TMEM145: variants seen among roughly 807,000 people sequenced by gnomAD.
TMEM145 encodes transmembrane protein 145.
Under a neutral mutation model 68.5 loss-of-function variants are expected in TMEM145, and 46 were observed. That is an observed-to-expected ratio of 0.67 (90% CI 0.53 to 0.86). The LOEUF (loss-of-function observed/expected upper bound fraction) is 0.86. TMEM145 is among the 40% of genes least tolerant of loss of function. The probability of loss-of-function intolerance (pLI) is 0.00; values close to 1 mark genes in which losing one functional copy is unlikely to be tolerated. For synonymous variants in TMEM145, 255 were observed against 280.2 expected, an observed-to-expected ratio of 0.91 and a Z score of 0.90; for missense variants, 570 against 645.8, an observed-to-expected ratio of 0.88 and a Z score of 1.27.
chr19:42,318,824 G>A (rs2038885284), intron 12 of TMEM145, among the ~76,000 whole-genome samples: 1 of 152,136 alleles, frequency 6.6e-6, no homozygotes, highest in South Asian at 2.1e-4. Flanking sequence ...GCTCATGCCT[G>A]TACCCCCAGC....
chr19:42,315,165 T>C, intron 6 of TMEM145, 23 bp from the exon 7 acceptor site: 1 of 1,613,352 alleles, frequency 6.2e-7, no homozygotes, highest in Middle Eastern at 1.7e-4. Context: ...GAATGAACCT[T>C]ACTCCTCCTA....
intron 13 of TMEM145, chr19:42,321,182 GC>G (rs1343940368): frequency 2.5e-6 from 1 of 398,030 alleles, no homozygotes; most frequent in Non-Finnish European, 4.4e-6. Context: ...ACAGGGTGAA[GC>G]TTTTGGGCTC....
intron 12 of TMEM145, among the ~76,000 whole-genome samples, chr19:42,319,273 C>T (rs2038889270): frequency 6.6e-6 from 1 of 152,158 alleles, no homozygotes; most frequent in African/African-American, 2.4e-5. Flanking sequence ...CTCTCTGCCT[C>T]AGTTTCCTCA....
At position 42,317,070 on chromosome 19, in the gene TMEM145, C is replaced by G. The variant is rs112521226; in HGVS notation, c.900+107C>G. On this transcript the variant is annotated intron_variant, in intron 11 of 14. Transcript: ENST00000301204. ...TGCCCACATCCTGCTCCTGCTGGCT[C>G]GCTCTCTCTCCCACTCTTCGATTTT... is the stretch of plus-strand genomic sequence containing the variant. 174 of 908,678 alleles carry G rather than the reference C, an allele frequency of 1.9e-4. 1 individual carries two copies. In the African/African-American group the frequency reaches 2.5e-3, roughly 13 times the overall value. The allele number at this position is 908,678 out of a possible 1,614,324, so 56.3% of individuals were successfully genotyped here. A position where few individuals can be genotyped will look rare whatever the true frequency, so the allele number is the denominator to read the frequency against.
chr19:42,317,263 G>A (rs1040576257), intron 11 of TMEM145, among the ~76,000 whole-genome samples: 11 of 152,140 alleles, frequency 7.2e-5, no homozygotes, highest in African/African-American at 2.2e-4. Flanking sequence ...CCACTTCCTA[G>A]CTGCCTGACC....
Position 42,314,965 on chromosome 19 carries a change from C to T in TMEM145, c.421-28C>T, listed in dbSNP as rs2038840594. Reference sequence around the variant, plus strand: ...TGCCAACCCCCAACTTGCCCAGGGCCCCCCTTAGGCCTCCCTACCCCCCAC... The same window carrying T: ...TGCCAACCCCCAACTTGCCCAGGGCTCCCCTTAGGCCTCCCTACCCCCCAC... On this transcript the variant is annotated intron_variant, in intron 5 of 14. Transcript: ENST00000301204. The T allele has an allele frequency of 3.1e-6, 5 of 1,613,616 alleles. No individual in the cohort carries two copies. In the East Asian group the frequency reaches 8.9e-5, roughly 29 times the overall value.
chr19:42,316,387 G>A, intron 8 of TMEM145, 94 bp from the exon 9 acceptor site: 1 of 1,202,096 alleles, frequency 8.3e-7, no homozygotes, highest in South Asian at 1.2e-5. Flanking sequence ...TAAGGGAGGA[G>A]GCGGGATTCA....
rs1482513055 is a variant in TMEM145 at position 42,323,570 on chromosome 19, G to A, written c.1195-13G>A. On this transcript the variant is annotated splice_polypyrimidine_tract_variant and intron_variant, in intron 13 of 14. Transcript: ENST00000301204. ...ACAGTGCCTCTCACACCTGCTCCTG[G>A]CCCTGGCCTCAGATCATGACCCGCC... 1.2e-6 allele frequency: 2 copies of A among 1,613,162 alleles called. No homozygotes were observed. Among genetic ancestry groups the A allele is most frequent in the Non-Finnish European group, 1.7e-6 (2 of 1,179,772 alleles).
At chr19:42,324,523 C>G in intron 14 of TMEM145, 1 of 985,380 alleles carries the variant, frequency 1.0e-6, no homozygotes, top group Non-Finnish European at 1.2e-6. Flanking sequence ...CACCCCCGGT[C>G]TGAGCACCCC....
chr19:42,320,121 C>T (rs2038897540), intron 12 of TMEM145, among the ~76,000 whole-genome samples, 196 bp from the exon 13 acceptor site: 1 of 152,296 alleles, frequency 6.6e-6, no homozygotes, highest in African/African-American at 2.4e-5. Context: ...TTAAATTGAA[C>T]CTCCTTCTTG....
rs1410719702 is a variant in TMEM145, at chr19:42,313,345, G to A, written c.-32G>A. Reference sequence around the variant, plus strand: ...CCTCCATTGCCGGGCCAGTGCGGGAGCCGGAGCGGAGCCGGGGCCGGAGCG... The same window carrying A: ...CCTCCATTGCCGGGCCAGTGCGGGAACCGGAGCGGAGCCGGGGCCGGAGCG... On this transcript the variant is annotated 5_prime_UTR_variant, in exon 1 of 15. Coordinates refer to ENST00000301204, the MANE Select transcript of TMEM145 (RefSeq NM_173633.3). This position sits in a 1 kb window ranked among gnomAD's most constrained non-coding sequence, Gnocchi z 5.1. 5 of 911,366 alleles carry A rather than the reference G, an allele frequency of 5.5e-6. No individual in the cohort carries two copies. The African/African-American group carries it at 7.0e-5, about 13-fold the overall frequency. The allele number at this position is 911,366 out of a possible 1,614,324, so 56.5% of individuals were successfully genotyped here.
rs766162890 is a variant in TMEM145, at chr19:42,323,597, A to G, written c.1209A>G (p.Pro403=). 6 of 1,613,978 alleles carry G rather than the reference A, an allele frequency of 3.7e-6. No homozygotes were observed. The highest frequency in any genetic ancestry group is 4.2e-6 in the Non-Finnish European group (5 of 1,179,966). The change falls in exon 14 of 15, where the codon CCA becomes CCG. Residue 403 remains proline, a synonymous_variant. Transcript: ENST00000301204. ...AHGVFLIMTR[P]SAANKNFPYH... ...CCTGGCCTCAGATCATGACCCGCCC[A>G]TCAGCGGCCAACAAGAACTTCCCGT...
chr19:42,314,833 T>C lies in TMEM145; in HGVS notation c.402T>C (p.Ser134=), dbSNP rs560037081. The change falls in exon 5 of 15, where the codon AGT becomes AGC. Residue 134 remains serine (S), a synonymous_variant. Coordinates refer to ENST00000301204, the MANE Select transcript of TMEM145 (RefSeq NM_173633.3). ...EEGTRYLSCS[S]GRSFRSGDGL... is the part of the protein sequence containing the mutation. ...GAACCCGCTACCTGAGCTGCTCCAG[T>C]GGCCGCAGCTTCCGCTCAGTGCGTG... 1.8e-5 allele frequency: 29 copies of C among 1,614,186 alleles called. No individual in the cohort carries two copies. The African/African-American group carries it at 3.7e-4, about 21-fold the overall frequency.
At chr19:42,314,936 T>G in intron 5 of TMEM145, 57 bp from the exon 6 acceptor site, 1 of 1,613,792 alleles carries the variant, frequency 6.2e-7, no homozygotes, top group Middle Eastern at 1.6e-4. Context: ...TCTCTTTGCC[T>G]TCCTGCCAAC....
intron 13 of TMEM145, 71 bp from the exon 14 acceptor site, chr19:42,323,512 G>A: frequency 2.0e-6 from 3 of 1,485,632 alleles, no homozygotes; most frequent in Non-Finnish European, 2.8e-6. Context: ...GAATCCTTCG[G>A]ACCCCAAGTT....
rs1198839515 is a variant in TMEM145, at chr19:42,313,429, T to A, written c.53T>A (p.Leu18His). Residue 18 changes from leucine (L) to histidine (H), a missense_variant, in exon 1 of 15, where the codon CTC (leucine) becomes CAC (histidine). Physicochemically the swap from Leu to His is moderately conservative, Grantham distance 99 (BLOSUM62 -3). Coordinates refer to ENST00000301204, the MANE Select transcript of TMEM145 (RefSeq NM_173633.3). The surrounding 1 kb of genome is among the most constrained non-coding windows in gnomAD (Gnocchi z 5.1). ...ALRRLLPPLL[L>H]LLLSLPPRAR... is the part of the protein sequence containing the mutation. Reference sequence around the variant, plus strand: ...CGCCGCCTGCTGCCGCCGCTGCTGCTCCTGCTGCTGTCACTGCCCCCCCGC... The same window carrying A: ...CGCCGCCTGCTGCCGCCGCTGCTGCACCTGCTGCTGTCACTGCCCCCCCGC... 1.6e-5 allele frequency: 22 copies of A among 1,378,702 alleles called. No homozygotes were observed. Among genetic ancestry groups the A allele is most frequent in the African/African-American group, 3.0e-5 (2 of 65,938 alleles). The allele number at this position is 1,378,702 out of a possible 1,614,324, so 85.4% of individuals were successfully genotyped here.
At chr19:42,317,080 C>A in intron 11 of TMEM145, 117 bp downstream of exon 11, 1 of 824,292 alleles carries the variant, frequency 1.2e-6, no homozygotes, top group East Asian at 2.7e-5. Context: ...CGCTCTCTCT[C>A]CCACTCTTCG....
chr19:42,324,899 T>C lies in TMEM145; in HGVS notation c.*82T>C. 1 of 1,378,624 alleles carries C rather than the reference T, an allele frequency of 7.3e-7. No homozygotes were observed. The highest frequency in any genetic ancestry group is 9.4e-7 in the Non-Finnish European group (1 of 1,067,312). The allele number at this position is 1,378,624 out of a possible 1,614,324, so 85.4% of individuals were successfully genotyped here. On this transcript the variant is annotated 3_prime_UTR_variant, in exon 15 of 15. Coordinates refer to ENST00000301204, the MANE Select transcript of TMEM145 (RefSeq NM_173633.3). ...CAGGACTCTGCGACCCCGGGATGGA[T>C]ATTGCGATGCTGGTCTCGACCCTGA...
intron 14 of TMEM145, chr19:42,324,414 A>G (rs2147429025): frequency 1.0e-6 from 1 of 983,692 alleles, no homozygotes; most frequent in South Asian, 4.7e-5. Context: ...TCGGGCTGGG[A>G]CGGCCCGACG....
Sources: gnomAD v4.1 joint callset for allele counts (sites outside exome capture counted in the v4.1 genomes callset) on GRCh38, gnomAD v4.1.1 for gene constraint, Gnocchi (gnomAD v3.1) non-coding constraint, MANE v1.5 for transcripts, NCBI Gene and HGNC (gene_info 2026-07-23, HGNC 2026-07-21) for gene names.